The following FAR2 variants were observed in gnomAD, a reference collection of about 807,000 sequenced individuals.
The protein encoded by FAR2 is epididymis secretory protein Li 81.
In FAR2, 19 loss-of-function variants were observed where a neutral mutation model predicts 56.0. That is an observed-to-expected ratio of 0.34 (90% CI 0.24 to 0.50). The LOEUF is 0.50. Ranked by LOEUF, FAR2 falls within the 20% of genes least tolerant of loss-of-function variation. The pLI is 0.98. For missense variants in FAR2, 508 were observed against 642.2 expected (o/e 0.79, Z 2.26); for synonymous variants, 219 against 218.8 (o/e 1.00, Z -0.01).
At chr12:29,237,689 T>A (rs2136659868) in intron 1 of FAR2, among the ~76,000 whole-genome samples, 1 of 152,322 alleles carries the variant, frequency 6.6e-6, no homozygotes. Flanking sequence ...CAGATCTGGG[T>A]ATTTGGCAGA....
At chr12:29,308,027 G>C in intron 5 of FAR2, 192 bp downstream of exon 5, 1 of 551,796 alleles carries the variant, frequency 1.8e-6, no homozygotes, top group Non-Finnish European at 3.1e-6. Context: ...GGCTCCTCTG[G>C]CAGTTATCTT....
intron 1 of FAR2, among the ~76,000 whole-genome samples, chr12:29,225,665 A>C (rs982399650): frequency 8.5e-5 from 13 of 152,174 alleles, no homozygotes; most frequent in Admixed American, 4.6e-4. Flanking sequence ...CCCTAAGACA[A>C]TGGGGCAAAT....
intron 1 of FAR2, among the ~76,000 whole-genome samples, chr12:29,165,199 G>T (rs1949814462): frequency 6.6e-6 from 1 of 152,098 alleles, no homozygotes; most frequent in Non-Finnish European, 1.5e-5. Context: ...TTAGGCTGTG[G>T]TTTCAAGTTT....
chr12:29,184,690 G>A (rs1950023285), intron 1 of FAR2, among the ~76,000 whole-genome samples: 1 of 151,992 alleles, frequency 6.6e-6, no homozygotes, highest in Non-Finnish European at 1.5e-5. Flanking sequence ...ACCCACCTTA[G>A]CCTCCTAAGG....
At chr12:29,299,350 A>C (rs190399986) in intron 4 of FAR2, among the ~76,000 whole-genome samples, 1 of 152,308 alleles carries the variant, frequency 6.6e-6, no homozygotes, top group African/African-American at 2.4e-5. Context: ...CCTAGGTTTC[A>C]AAGAAGAATA....
At chr12:29,285,204 T>TGCTTGCCCAGG (rs111377746) in intron 2 of FAR2, among the ~76,000 whole-genome samples, 1 of 151,550 alleles carries the variant, frequency 6.6e-6, no homozygotes, top group Non-Finnish European at 1.5e-5. Flanking sequence ...AGTGTGTTCA[T>TGCTTGCCCAGG]GCTTCGCTGT....
intron 1 of FAR2, among the ~76,000 whole-genome samples, chr12:29,182,642 T>A (rs1950002524): frequency 1.3e-5 from 2 of 152,108 alleles, no homozygotes; most frequent in South Asian, 4.1e-4. Context: ...AGACAATGAG[T>A]TTCTGGTTAA....
intron 1 of FAR2, among the ~76,000 whole-genome samples, chr12:29,155,232 G>A (rs991112993): frequency 1.6e-4 from 24 of 152,208 alleles, no homozygotes; most frequent in African/African-American, 5.8e-4. Context: ...GGGCCTCTTA[G>A]GTCCCGTGGT....
intron 4 of FAR2, among the ~76,000 whole-genome samples, chr12:29,306,313 A>G (rs1311752735): frequency 6.6e-6 from 1 of 152,240 alleles, no homozygotes; most frequent in Non-Finnish European, 1.5e-5. Flanking sequence ...GAACACACTC[A>G]GCACTAATAG....
In FAR2 at chr12:29,313,726, C is replaced by G. The variant is rs369830895; in HGVS notation, c.955+1776C>G. On this transcript the variant is annotated intron_variant, in intron 8 of 11. Transcript: ENST00000536681. ...TTCACATTACATCAATTTTTTTGTC[C>G]TAAACTGTATTTATAATTATGTTTC... Among the ~76,000 whole-genome samples the G allele has an allele frequency of 1.2e-3, 177 of 151,986 alleles. 1 individual carries two copies. The highest frequency in any genetic ancestry group is 4.2e-3 in the African/African-American group (174 of 41,484).
At chr12:29,255,405 A>G (rs1948302525) in intron 1 of FAR2, among the ~76,000 whole-genome samples, 1 of 152,174 alleles carries the variant, frequency 6.6e-6, no homozygotes, top group Non-Finnish European at 1.5e-5. Context: ...TCCAAATACT[A>G]TCACACTGTA....
At chr12:29,222,726 C>T (rs113250318) in intron 1 of FAR2, among the ~76,000 whole-genome samples, 10 of 152,176 alleles carry the variant, frequency 6.6e-5, no homozygotes, top group African/African-American at 2.4e-4. Flanking sequence ...AGAAGAGGAG[C>T]CTGACTAAAG....
chr12:29,195,230 G>A (rs529077070), intron 1 of FAR2, among the ~76,000 whole-genome samples: 1 of 152,230 alleles, frequency 6.6e-6, no homozygotes, highest in East Asian at 1.9e-4. Flanking sequence ...AATTTCTTCA[G>A]GTTAGTAAAT....
intron 1 of FAR2, among the ~76,000 whole-genome samples, chr12:29,199,672 T>A (rs1191743705): frequency 1.5e-5 from 2 of 133,010 alleles, no homozygotes; most frequent in African/African-American, 5.2e-5. Flanking sequence ...GGAGGCAGAA[T>A]GGACAAGATT....
intron 10 of FAR2, 150 bp from the exon 11 acceptor site, chr12:29,332,450 T>TA: frequency 9.5e-7 from 1 of 1,052,164 alleles, no homozygotes; most frequent in Non-Finnish European, 1.4e-6. Context: ...ACCTTTGAAA[T>TA]AATGACTCAA....
intron 1 of FAR2, among the ~76,000 whole-genome samples, chr12:29,220,551 C>A (rs1043885690): frequency 1.3e-5 from 2 of 151,936 alleles, no homozygotes; most frequent in Non-Finnish European, 2.9e-5. Context: ...ATGGTGGTTA[C>A]CTATTTAAAA....
At position 29,287,655 on chromosome 12, in the gene FAR2, G is replaced by A. The variant is rs1035557903; in HGVS notation, c.190-5645G>A. On this transcript the variant is annotated intron_variant, in intron 2 of 11. Coordinates refer to ENST00000536681, the MANE Select transcript of FAR2 (RefSeq NM_001271783.2). ...TAAGCAAATTTTGGTGGGTTATTGGGACTACATAATGTAGTTATTTTTGAA... is the reference window on the plus strand; with the variant it reads ...TAAGCAAATTTTGGTGGGTTATTGGAACTACATAATGTAGTTATTTTTGAA... Among the ~76,000 whole-genome samples, 9 of 152,246 alleles carry A rather than the reference G, an allele frequency of 5.9e-5. No homozygotes were observed. In the East Asian group the frequency reaches 1.2e-3, roughly 20 times the overall value.
intron 8 of FAR2, 88 bp from the exon 9 acceptor site, chr12:29,316,753 A>G (rs1282149490): frequency 1.0e-5 from 13 of 1,284,654 alleles, no homozygotes; most frequent in Non-Finnish European, 1.3e-5. Context: ...CTTCGTCTTT[A>G]TTGTTTTGAC....
intron 5 of FAR2, among the ~76,000 whole-genome samples, chr12:29,308,506 C>T (rs1949290469): frequency 6.6e-6 from 1 of 151,970 alleles, no homozygotes; most frequent in African/African-American, 2.4e-5. Flanking sequence ...CTCCTCTCTT[C>T]TCTCTCCTCT....
Sources: gnomAD v4.1 joint callset for allele counts (sites outside exome capture counted in the v4.1 genomes callset) on GRCh38, gnomAD v4.1.1 for gene constraint, MANE v1.5 for transcripts, NCBI Gene and HGNC (gene_info 2026-07-23, HGNC 2026-07-21) for gene names.